CES5A: variants seen among roughly 807,000 people sequenced by gnomAD.
The protein encoded by CES5A is carboxylesterase 5A, also known as carboxylesterase 5.
A neutral mutation model predicts 62.9 loss-of-function variants in CES5A; 67 were observed. The ratio of observed to expected loss-of-function variants is 1.07; its 90% CI spans 0.88 to 1.31. The LOEUF (loss-of-function observed/expected upper bound fraction) is 1.31. CES5A is among the 50% of genes most tolerant of loss of function. The probability of loss-of-function intolerance (pLI) is 0.00; values close to 1 mark genes in which losing one functional copy is unlikely to be tolerated. For synonymous variants in CES5A, 296 were observed against 280.8 expected, an observed-to-expected ratio of 1.05 and a Z score of -0.54; for missense variants, 748 against 708.5, an observed-to-expected ratio of 1.06 and a Z score of -0.63.
intron 9 of CES5A, 97 bp from the exon 10 acceptor site, chr16:55,853,125 C>T (rs1439692048): frequency 8.0e-7 from 1 of 1,250,260 alleles, no homozygotes; most frequent in Non-Finnish European, 1.1e-6. Flanking sequence ...ATGCTTTACC[C>T]ACATTGCTTC....
chr16:55,901,037 C>T (rs2033985272), intron 1 of CES5A, among the ~76,000 whole-genome samples: 1 of 152,102 alleles, frequency 6.6e-6, no homozygotes, highest in Non-Finnish European at 1.5e-5. Flanking sequence ...GTGTCCCCAC[C>T]CAAATCTCAT....
chr16:55,849,465 CT>C (rs775224055), intron 11 of CES5A, among the ~76,000 whole-genome samples, 158 bp downstream of exon 11: 19 of 152,166 alleles, frequency 1.2e-4, no homozygotes, highest in Non-Finnish European at 2.4e-4. Context: ...ATCCTGGCTT[CT>C]AAAAATGGAA....
At chr16:55,924,615 C>A (rs2034240841) in intron 1 of CES5A, among the ~76,000 whole-genome samples, 1 of 151,934 alleles carries the variant, frequency 6.6e-6, no homozygotes, top group Non-Finnish European at 1.5e-5. Context: ...ATAGCCAAAG[C>A]AATCCTGAGC....
chr16:55,864,778 G>T (rs1219657435), intron 5 of CES5A, among the ~76,000 whole-genome samples: 1 of 148,338 alleles, frequency 6.7e-6, no homozygotes, highest in African/African-American at 2.5e-5. Flanking sequence ...GCATGGTGGC[G>T]CATGCCTGTA....
At chr16:55,899,852 T>A (rs995248865) in intron 1 of CES5A, among the ~76,000 whole-genome samples, 10 of 152,178 alleles carry the variant, frequency 6.6e-5, no homozygotes, top group African/African-American at 2.4e-4. Context: ...GCTAAACATA[T>A]GATATTGTCT....
At position 55,939,141 on chromosome 16, in the gene CES5A, A is replaced by G. The variant is rs535395943; in HGVS notation, c.160+10644T>C. Among the ~76,000 whole-genome samples, 262 of 152,240 alleles carry G rather than the reference A, an allele frequency of 1.7e-3. 2 individuals are homozygous for G. Among genetic ancestry groups the G allele is most frequent in the African/African-American group, 6.0e-3 (251 of 41,536 alleles). ...CAAGCTGTAACAAGATTTCATCCCC[A>G]TAGGTAAATAACCCCAGTGAAGAGA... On this transcript the variant is annotated intron_variant, in intron 2 of 13. Transcript: ENST00000521992.
chr16:55,916,538 G>C (rs938820748), intron 1 of CES5A, among the ~76,000 whole-genome samples: 1 of 152,174 alleles, frequency 6.6e-6, no homozygotes, highest in Non-Finnish European at 1.5e-5. Context: ...TTGCAAAAGC[G>C]ATTTCATTAA....
rs150380262 is a variant in CES5A at position 55,875,037 on chromosome 16, T to G, written c.73+112A>C. 207 of 1,054,986 alleles carry G rather than the reference T, an allele frequency of 2.0e-4. 2 individuals carry two copies. The African/African-American group carries it at 2.9e-3, about 15-fold the overall frequency. The allele number at this position is 1,054,986 out of a possible 1,614,324, so 65.4% of individuals were successfully genotyped here. A position where few individuals can be genotyped will look rare whatever the true frequency, so the allele number is the denominator to read the frequency against. On this transcript the variant is annotated intron_variant, in intron 1 of 12. Transcript: ENST00000290567. ...ATACTGATGCCATCAAAGTACTACA[T>G]AGCTCTCCACTGGCCCTCAGAGACC... is the stretch of plus-strand genomic sequence containing the variant.
chr16:55,869,067 G>A (rs749057756), intron 4 of CES5A, among the ~76,000 whole-genome samples: 11 of 152,318 alleles, frequency 7.2e-5, no homozygotes, highest in Middle Eastern at 3.4e-3. Context: ...CTGGGGTGAG[G>A]CTCAGGTAGA....
At chr16:55,930,434 T>A (rs889598522), upstream of CES5A, among the ~76,000 whole-genome samples, 1 of 152,168 alleles carries the variant, frequency 6.6e-6, no homozygotes, top group Non-Finnish European at 1.5e-5. Flanking sequence ...ATCCTTCAGA[T>A]CTCCCCCAAG....
chr16:55,906,197 C>A (rs904747919), intron 1 of CES5A, among the ~76,000 whole-genome samples: 1 of 152,258 alleles, frequency 6.6e-6, no homozygotes, highest in Non-Finnish European at 1.5e-5. Flanking sequence ...ACCAGAAAGA[C>A]ACTTAGGCTT....
chr16:55,874,881 C>G (rs984832741), intron 1 of CES5A, among the ~76,000 whole-genome samples: 14 of 152,210 alleles, frequency 9.2e-5, no homozygotes, highest in African/African-American at 3.4e-4. Flanking sequence ...TCACGCTTCT[C>G]CAGTGCTCAG....
chr16:55,933,301 A>T (rs944539138), intron 2 of CES5A, among the ~76,000 whole-genome samples: 6 of 152,146 alleles, frequency 3.9e-5, no homozygotes, highest in African/African-American at 1.4e-4. Context: ...GGGATATCTC[A>T]TAAGCACTTT....
chr16:55,849,194 A>C (rs2033078023), intron 11 of CES5A, among the ~76,000 whole-genome samples: 1 of 152,198 alleles, frequency 6.6e-6, no homozygotes, highest in African/African-American at 2.4e-5. Flanking sequence ...AGCATTTACA[A>C]AGCTCTTCTG....
chr16:55,921,285 C>T (rs2034201631), intron 1 of CES5A, among the ~76,000 whole-genome samples: 1 of 151,986 alleles, frequency 6.6e-6, no homozygotes, highest in Non-Finnish European at 1.5e-5. Context: ...AAAGATCTGA[C>T]CCGAGTGAGA....
upstream of CES5A, among the ~76,000 whole-genome samples, chr16:55,927,350 T>C (rs1200704189): frequency 6.6e-6 from 1 of 152,066 alleles, no homozygotes; most frequent in Admixed American, 6.6e-5. Flanking sequence ...GGACAAAATA[T>C]TCACAAACTA....
chr16:55,938,748 AAAAAAAAAAAAAAAAAAATAT>A (rs2034405855), intron 2 of CES5A, among the ~76,000 whole-genome samples: 1 of 71,296 alleles, frequency 1.4e-5, no homozygotes, highest in African/African-American at 6.3e-5. Flanking sequence ...AAAAAAAAAA[AAAAAAAAAAAAAAAAAAATAT>A]ATATATATAT....
At chr16:55,851,745 C>T (rs1244818834) in intron 10 of CES5A, among the ~76,000 whole-genome samples, 5 of 151,904 alleles carry the variant, frequency 3.3e-5, no homozygotes, top group Non-Finnish European at 4.4e-5. Context: ...TAGCCAATAG[C>T]CAATTGTTCC....
At chr16:55,905,822 A>G (rs2034035631) in intron 1 of CES5A, among the ~76,000 whole-genome samples, 1 of 152,222 alleles carries the variant, frequency 6.6e-6, no homozygotes, top group African/African-American at 2.4e-5. Flanking sequence ...TTACAAAACT[A>G]TACGCGCAAT....
Sources: gnomAD v4.1 joint callset for allele counts (sites outside exome capture counted in the v4.1 genomes callset) on GRCh38, gnomAD v4.1.1 for gene constraint, MANE v1.5 for transcripts, NCBI Gene and HGNC (gene_info 2026-07-23, HGNC 2026-07-21) for gene names.